IQCH: variants seen among roughly 807,000 people sequenced by gnomAD.
IQCH encodes IQ domain-containing protein H.
In IQCH, 98 loss-of-function variants were observed where a neutral mutation model predicts 117.0. The observed-to-expected ratio is 0.84, with a 90% CI of 0.71 to 0.99. The LOEUF (loss-of-function observed/expected upper bound fraction) is 0.99, where lower values mean the gene tolerates loss of function less well. Among genes scored for constraint, IQCH ranks in the 50% least tolerant of loss-of-function variants. The pLI is 0.00. For missense variants in IQCH, 1,102 were observed against 1,243.8 expected, an observed-to-expected ratio of 0.89 and a Z score of 1.72; for synonymous variants, 412 against 448.2, an observed-to-expected ratio of 0.92 and a Z score of 1.02.
chr15:67,324,811 T>G (rs1485518934), intron 4 of IQCH, among the ~76,000 whole-genome samples: 1 of 152,110 alleles, frequency 6.6e-6, no homozygotes, highest in Non-Finnish European at 1.5e-5. Flanking sequence ...TAATGGATCT[T>G]TTTTTCTTTT....
In IQCH at chr15:67,448,674, G is replaced by A. The variant is rs529698661; in HGVS notation, c.2506-16453G>A. ...AGTCTTTGCTATTGTGAGTAGTGCCGCAATAAACATATGTGTGCATGTGTC... is the reference window on the plus strand; with the variant it reads ...AGTCTTTGCTATTGTGAGTAGTGCCACAATAAACATATGTGTGCATGTGTC... On this transcript the variant is annotated intron_variant, in intron 16 of 20. Transcript: ENST00000335894. 2.2e-4 allele frequency among the ~76,000 whole-genome samples: 33 copies of A among 152,096 alleles called. No individual in the cohort carries two copies. The East Asian group carries it at 3.3e-3, about 15-fold the overall frequency.
At chr15:67,296,206 A>T (rs1966851431) in intron 4 of IQCH, among the ~76,000 whole-genome samples, 1 of 152,200 alleles carries the variant, frequency 6.6e-6, no homozygotes, top group Non-Finnish European at 1.5e-5. Context: ...TTAAAGAAAG[A>T]GAGATAGAGG....
In IQCH at chr15:67,279,609, G is replaced by A. The variant is rs1453013035; in HGVS notation, c.387+97G>A. ...AGGAGTGACTTTTAATGGGTATGAA[G>A]TTTCTTTGGGGGACAATGAACATGT... On this transcript the variant is annotated intron_variant, in intron 4 of 20. Coordinates refer to ENST00000335894, the MANE Select transcript of IQCH (RefSeq NM_001031715.3). The A allele has an allele frequency of 6.5e-6, 4 of 618,208 alleles. No individual in the cohort carries two copies. In the East Asian group the frequency reaches 1.2e-4, roughly 18 times the overall value. 38.3% of individuals were successfully genotyped at this position (618,208 alleles called of 1,614,324 possible). A position where few individuals can be genotyped will look rare whatever the true frequency, so the allele number is the denominator to read the frequency against.
At chr15:67,373,641 G>T in intron 10 of IQCH, 1 of 653,070 alleles carries the variant, frequency 1.5e-6, no homozygotes, top group Non-Finnish European at 2.7e-6. Context: ...ATTATGTGGG[G>T]GCTGCTATTC....
In IQCH at chr15:67,494,053, TA is replaced by T. The variant is rs548752736; in HGVS notation, c.2862-199del. ...TGGTATATTCTGCTAAGTTGATTAATAAAAAATATTTATTACGCAAATCCTT... is the reference window on the plus strand; with the variant it reads ...TGGTATATTCTGCTAAGTTGATTAATAAAAATATTTATTACGCAAATCCTT... On this transcript the variant is annotated intron_variant, in intron 19 of 20. Transcript: ENST00000335894. The surrounding 1 kb of genome is among the most constrained non-coding windows in gnomAD (Gnocchi z 5.5). Among the ~76,000 whole-genome samples, 55 of 152,342 alleles carry T rather than the reference TA, an allele frequency of 3.6e-4. No homozygotes were observed. The highest frequency in any genetic ancestry group is 1.2e-3 in the African/African-American group (50 of 41,590).
intron 16 of IQCH, among the ~76,000 whole-genome samples, chr15:67,442,871 T>TAGATATAC (rs1567193329): frequency 4.1e-5 from 4 of 98,538 alleles, no homozygotes; most frequent in African/African-American, 1.6e-4. Flanking sequence ...TAGATATACA[T>TAGATATAC]ATATATATAT....
rs367556602 is a variant in IQCH at position 67,261,269 on chromosome 15, T to C, written c.52-3T>C. 1 of 1,521,992 alleles carries C rather than the reference T, an allele frequency of 6.6e-7. No homozygotes were observed. The highest frequency in any genetic ancestry group is 8.9e-7 in the Non-Finnish European group (1 of 1,125,742). The allele number at this position is 1,521,992 out of a possible 1,614,324, so 94.3% of individuals were successfully genotyped here. A position where few individuals can be genotyped will look rare whatever the true frequency, so the allele number is the denominator to read the frequency against. On this transcript the variant is annotated splice_polypyrimidine_tract_variant and splice_region_variant and intron_variant, in intron 1 of 20. Coordinates refer to ENST00000335894, the MANE Select transcript of IQCH (RefSeq NM_001031715.3). Reference sequence around the variant, plus strand: ...CAATATTTTTCATTTTTTATACCTATAGATCCATGAAGACCTTTATCAGTT... The same window carrying C: ...CAATATTTTTCATTTTTTATACCTACAGATCCATGAAGACCTTTATCAGTT...
At chr15:67,377,075 C>T (rs1249366849) in intron 10 of IQCH, among the ~76,000 whole-genome samples, 1 of 148,646 alleles carries the variant, frequency 6.7e-6, no homozygotes, top group African/African-American at 2.5e-5. Flanking sequence ...CGAGATCACG[C>T]CACTGCACTC....
intron 4 of IQCH, among the ~76,000 whole-genome samples, chr15:67,283,528 T>G (rs1485314159): frequency 2.0e-5 from 3 of 152,144 alleles, no homozygotes; most frequent in East Asian, 3.8e-4. Context: ...TTCTGAGTTT[T>G]TTTTTTCTAT....
Position 67,500,824 on chromosome 15 carries a change from A to G in IQCH, c.*78A>G. 1.5e-6 allele frequency: 1 copy of G among 679,658 alleles called. No homozygotes were observed. 42.1% of individuals were successfully genotyped at this position (679,658 alleles called of 1,614,324 possible). A position where few individuals can be genotyped will look rare whatever the true frequency, so the allele number is the denominator to read the frequency against. On this transcript the variant is annotated 3_prime_UTR_variant, in exon 21 of 21. Coordinates refer to ENST00000335894, the MANE Select transcript of IQCH (RefSeq NM_001031715.3). The surrounding 1 kb of genome is among the most constrained non-coding windows in gnomAD (Gnocchi z 4.4). Reference sequence around the variant, plus strand: ...AATTTTTTTTTCTGTTAGAAATAAAAGCCAGGGGAAATTGGTTTGCTTTGT... The same window carrying G: ...AATTTTTTTTTCTGTTAGAAATAAAGGCCAGGGGAAATTGGTTTGCTTTGT...
chr15:67,385,399 T>C lies in IQCH; in HGVS notation c.1456+380T>C, dbSNP rs1209087644. 6.6e-6 allele frequency among the ~76,000 whole-genome samples: 1 copy of C among 152,102 alleles called. No individual in the cohort carries two copies. ...TAGTATCTGGGGAATGTGTGAAAGGTGGTATCAGAAATGAAGCATTGTGTT... is the reference window on the plus strand; with the variant it reads ...TAGTATCTGGGGAATGTGTGAAAGGCGGTATCAGAAATGAAGCATTGTGTT... On this transcript the variant is annotated intron_variant, in intron 11 of 20. Coordinates refer to ENST00000335894, the MANE Select transcript of IQCH (RefSeq NM_001031715.3). The surrounding 1 kb of genome is among the most constrained non-coding windows in gnomAD (Gnocchi z 4.6).
chr15:67,286,163 A>G (rs1966554513), intron 4 of IQCH, among the ~76,000 whole-genome samples: 1 of 151,846 alleles, frequency 6.6e-6, no homozygotes, highest in East Asian at 1.9e-4. Context: ...TCTTTTATTA[A>G]TTCCTGGATA....
chr15:67,299,160 C>G (rs962520935), intron 4 of IQCH, among the ~76,000 whole-genome samples: 8 of 150,848 alleles, frequency 5.3e-5, no homozygotes, highest in African/African-American at 1.9e-4. Flanking sequence ...GTGAAATAAG[C>G]CAGGCATAGA....
chr15:67,261,694 G>A (rs1203531518), intron 2 of IQCH, among the ~76,000 whole-genome samples: 1 of 152,118 alleles, frequency 6.6e-6, no homozygotes, highest in Non-Finnish European at 1.5e-5. Flanking sequence ...CTTGATCTTA[G>A]CCAAAAGGCC....
intron 4 of IQCH, among the ~76,000 whole-genome samples, chr15:67,324,634 CA>C (rs1228458059): frequency 1.4e-5 from 2 of 144,790 alleles, no homozygotes; most frequent in African/African-American, 5.0e-5. Flanking sequence ...AAAAAGAAGT[CA>C]AAAAAATATT....
intron 17 of IQCH, among the ~76,000 whole-genome samples, chr15:67,468,185 G>A (rs557087869): frequency 3.3e-5 from 5 of 152,090 alleles, no homozygotes; most frequent in Admixed American, 2.0e-4. Flanking sequence ...ACTCTTCCTC[G>A]CTCTTTCTGG....
In IQCH at chr15:67,481,404, AGATT is replaced by A. The variant is rs2083334984; in HGVS notation, c.2799+5589_2799+5592del. On this transcript the variant is annotated intron_variant, in intron 18 of 20. Transcript: ENST00000335894. The surrounding 1 kb of genome is among the most constrained non-coding windows in gnomAD (Gnocchi z 4.1). Reference sequence around the variant, plus strand: ...GGGAACATCCCCTTATAAAATCATCAGATTGAGTGAGAACTCACTCACTATCATG... The same window carrying A: ...GGGAACATCCCCTTATAAAATCATCAGAGTGAGAACTCACTCACTATCATG... Among the ~76,000 whole-genome samples the A allele has an allele frequency of 1.3e-5, 2 of 152,184 alleles. No individual in the cohort carries two copies. The highest frequency in any genetic ancestry group is 3.9e-4 in the East Asian group (2 of 5,186).
intron 5 of IQCH, among the ~76,000 whole-genome samples, chr15:67,340,694 T>G (rs1969130769): frequency 6.6e-6 from 1 of 152,156 alleles, no homozygotes; most frequent in African/African-American, 2.4e-5. Context: ...TTCTTTATTT[T>G]CTGGTAATTT....
chr15:67,304,184 G>A (rs138305245), intron 4 of IQCH, among the ~76,000 whole-genome samples: 2,177 of 152,218 alleles, frequency 0.014, 18 homozygotes, highest in Non-Finnish European at 0.025. Flanking sequence ...GGACTGATTA[G>A]CAGCCTAAAT....
Sources: gnomAD v4.1 joint callset for allele counts (sites outside exome capture counted in the v4.1 genomes callset) on GRCh38, gnomAD v4.1.1 for gene constraint, Gnocchi (gnomAD v3.1) non-coding constraint, MANE v1.5 for transcripts, NCBI Gene and HGNC (gene_info 2026-07-23, HGNC 2026-07-21) for gene names.